BRWD1: variants seen among roughly 807,000 people sequenced by gnomAD.
BRWD1 encodes bromodomain and WD repeat-containing protein 1.
A neutral mutation model predicts 251.2 loss-of-function variants in BRWD1; 82 were observed. The observed-to-expected ratio is 0.33, with a 90% CI of 0.27 to 0.39. BRWD1 has a LOEUF of 0.39. Among genes scored for constraint, BRWD1 ranks in the 10% least tolerant of loss-of-function variants. The pLI is 1.00. For synonymous variants in BRWD1, 918 were observed against 902.8 expected, an observed-to-expected ratio of 1.02 and a Z score of -0.30; for missense variants, 2,233 against 2,711.6, an observed-to-expected ratio of 0.82 and a Z score of 3.92.
chr21:39,254,149 C>T (rs2034487724), intron 19 of BRWD1, among the ~76,000 whole-genome samples: 2 of 152,282 alleles, frequency 1.3e-5, no homozygotes, highest in South Asian at 4.1e-4. Flanking sequence ...GCCTGTAGTC[C>T]CAGCTACTCG....
chr21:39,310,272 T>C (rs892410714), intron 4 of BRWD1, among the ~76,000 whole-genome samples: 1 of 152,216 alleles, frequency 6.6e-6, no homozygotes, highest in Admixed American at 6.5e-5. Flanking sequence ...TCCCAGCACT[T>C]TGGGACACAG....
At chr21:39,211,438 G>A (rs529993241) in intron 34 of BRWD1, among the ~76,000 whole-genome samples, 1 of 152,286 alleles carries the variant, frequency 6.6e-6, no homozygotes, top group African/African-American at 2.4e-5. Context: ...ATAAGAGGGA[G>A]GCAGAAAGGT....
chr21:39,225,292 G>A, intron 27 of BRWD1, 95 bp from the exon 28 acceptor site: 5 of 900,872 alleles, frequency 5.6e-6, no homozygotes, highest in Non-Finnish European at 8.6e-6. Flanking sequence ...AGATAAAAAA[G>A]CCAAAAGCAC....
Position 39,191,036 on chromosome 21 carries a change from T to C in BRWD1, c.*5223A>G, listed in dbSNP as rs533286851. 1.6e-4 allele frequency: 155 copies of C among 985,272 alleles called. 1 individual carries two copies. In the African/African-American group the frequency reaches 2.5e-3, roughly 16 times the overall value. The allele number at this position is 985,272 out of a possible 1,614,324, so 61.0% of individuals were successfully genotyped here. On this transcript the variant is annotated 3_prime_UTR_variant, in exon 41 of 41. Transcript: ENST00000342449. ...ATAAAAATCTCATAAAAGCCTTATTTTGAAATATGAATTCAGGGACTTTAT... is the reference window on the plus strand; with the variant it reads ...ATAAAAATCTCATAAAAGCCTTATTCTGAAATATGAATTCAGGGACTTTAT...
chr21:39,260,943 G>A lies in BRWD1; in HGVS notation c.1886-2271C>T, dbSNP rs139300636. On this transcript the variant is annotated intron_variant, in intron 17 of 40. Coordinates refer to ENST00000342449, the MANE Select transcript of BRWD1 (RefSeq NM_033656.4). ...TTTGACTAAATACTGATACGTGGCC[G>A]GGCATGGTGGCTCACGCCTGTCTGT... 2.7e-3 allele frequency among the ~76,000 whole-genome samples: 415 copies of A among 152,282 alleles called. 1 individual carries two copies. Among genetic ancestry groups the A allele is most frequent in the African/African-American group, 9.5e-3 (393 of 41,552 alleles).
At chr21:39,245,646 C>T (rs2034161408) in intron 21 of BRWD1, among the ~76,000 whole-genome samples, 1 of 145,746 alleles carries the variant, frequency 6.9e-6, no homozygotes, top group African/African-American at 2.6e-5. Flanking sequence ...GATGCTCAGG[C>T]TGGAGTGCCG....
chr21:39,284,769 G>A (rs2035580018), intron 8 of BRWD1, among the ~76,000 whole-genome samples: 2 of 152,100 alleles, frequency 1.3e-5, no homozygotes, highest in South Asian at 4.1e-4. Flanking sequence ...TTTTTTAACT[G>A]AATTTTTTTT....
chr21:39,250,877 G>A lies in BRWD1; in HGVS notation c.2268C>T (p.Asp756=), dbSNP rs757947563. ...CCTCTTCACCTTTCTCTAATCGGAAGTCTTCCAGCTTCCTACAAATTTAAA... is the reference window on the plus strand; with the variant it reads ...CCTCTTCACCTTTCTCTAATCGGAAATCTTCCAGCTTCCTACAAATTTAAA... ...VPLGIFRKLE[D]FRLEKGEEER... Residue 756 remains aspartate, a synonymous_variant, in exon 20 of 41, where the codon GAC becomes GAT. Transcript: ENST00000342449. 1 of 1,592,430 alleles carries A rather than the reference G, an allele frequency of 6.3e-7. No individual in the cohort carries two copies. Among genetic ancestry groups the A allele is most frequent in the South Asian group, 1.1e-5 (1 of 87,074 alleles).
chr21:39,239,346 A>C (rs1019514032), intron 21 of BRWD1, among the ~76,000 whole-genome samples: 2 of 152,016 alleles, frequency 1.3e-5, no homozygotes, highest in Non-Finnish European at 2.9e-5. Context: ...CTTATGATTC[A>C]TTTTGAGTTA....
In BRWD1 at chr21:39,195,258, T is replaced by C. The variant is rs1345874714; in HGVS notation, c.*1001A>G. ...AGCTATTTTCCTATATAGATAAGAT[T>C]TGCAATTGTACTCTTAACAAAACTC... On this transcript the variant is annotated 3_prime_UTR_variant, in exon 41 of 41. Coordinates refer to ENST00000342449, the MANE Select transcript of BRWD1 (RefSeq NM_033656.4). The C allele has an allele frequency of 2.9e-6, 3 of 1,018,768 alleles. No homozygotes were observed. The highest frequency in any genetic ancestry group is 1.7e-5 in the African/African-American group (1 of 57,512). 63.1% of individuals were successfully genotyped at this position (1,018,768 alleles called of 1,614,324 possible).
chr21:39,185,213 A>G (rs946556546), downstream of BRWD1: 1 of 151,172 alleles, frequency 6.6e-6, no homozygotes, highest in African/African-American at 2.4e-5. Flanking sequence ...TGATAATACA[A>G]TCTCAAATAC....
intron 29 of BRWD1, among the ~76,000 whole-genome samples, chr21:39,222,044 T>TA (rs1049164138): frequency 7.3e-5 from 11 of 151,712 alleles, no homozygotes; most frequent in Admixed American, 3.3e-4. Flanking sequence ...TCCTATAAGT[T>TA]AAAAAAAACA....
At position 39,189,919 on chromosome 21, in the gene BRWD1, CCTA is replaced by C. The variant is rs1396524344; in HGVS notation, c.*6337_*6339del. 1.0e-6 allele frequency: 1 copy of C among 985,232 alleles called. No homozygotes were observed. Among genetic ancestry groups the C allele is most frequent in the Non-Finnish European group, 1.2e-6 (1 of 829,908 alleles). The allele number at this position is 985,232 out of a possible 1,614,324, so 61.0% of individuals were successfully genotyped here. ...AAGAAGTCAGTAGAATCCCACCAGT[CCTA>C]CTGCCTCAGATGAGTCTTGTTTCAG... On this transcript the variant is annotated 3_prime_UTR_variant, in exon 41 of 41. Transcript: ENST00000342449.
In BRWD1 at chr21:39,281,231, G is replaced by T. The variant is rs565473227; in HGVS notation, c.832-983C>A. Among the ~76,000 whole-genome samples the T allele has an allele frequency of 6.6e-5, 10 of 152,248 alleles. No homozygotes were observed. In the East Asian group the frequency reaches 1.9e-3, roughly 29 times the overall value. On this transcript the variant is annotated intron_variant, in intron 8 of 40. Transcript: ENST00000342449. ...GTAAAAACACCAGAAGCAGCCAAAC[G>T]ATTTGTCTTACAGCAATATACAGTA...
intron 15 of BRWD1, among the ~76,000 whole-genome samples, chr21:39,268,182 G>C (rs2034985721): frequency 6.6e-6 from 1 of 152,150 alleles, no homozygotes; most frequent in Non-Finnish European, 1.5e-5. Context: ...AAAAAAATTA[G>C]TTTAATAATT....
At chr21:39,239,658 C>G (rs189529875) in intron 21 of BRWD1, among the ~76,000 whole-genome samples, 72 of 152,232 alleles carry the variant, frequency 4.7e-4, no homozygotes, top group African/African-American at 1.7e-3. Flanking sequence ...GATCTTCTTC[C>G]TCTCTATATA....
chr21:39,184,362 T>C (rs957759173), downstream of BRWD1: 2 of 152,218 alleles, frequency 1.3e-5, no homozygotes, highest in Middle Eastern at 3.2e-3. Flanking sequence ...TGATTGTTCT[T>C]TAATTGGTTC....
In BRWD1 at chr21:39,186,157, T is replaced by C. The variant is rs531529188; in HGVS notation, c.*10102A>G. ...GTATCTAAAAATATGACTGTTTTGATCTTAAGCTATACATTTTATTTTTAT... is the reference window on the plus strand; with the variant it reads ...GTATCTAAAAATATGACTGTTTTGACCTTAAGCTATACATTTTATTTTTAT... On this transcript the variant is annotated 3_prime_UTR_variant, in exon 41 of 41. Coordinates refer to ENST00000342449, the MANE Select transcript of BRWD1 (RefSeq NM_033656.4). 2 of 152,326 alleles carry C rather than the reference T, an allele frequency of 1.3e-5. No homozygotes were observed. The highest frequency in any genetic ancestry group is 4.8e-5 in the African/African-American group (2 of 41,566). The allele number at this position is 152,326 out of a possible 1,614,324, so 9.4% of individuals were successfully genotyped here. A position where few individuals can be genotyped will look rare whatever the true frequency, so the allele number is the denominator to read the frequency against.
chr21:39,206,270 T>A lies in BRWD1; in HGVS notation c.4202A>T (p.Tyr1401Phe). 1 of 1,569,874 alleles carries A rather than the reference T, an allele frequency of 6.4e-7. No homozygotes were observed. The highest frequency in any genetic ancestry group is 8.7e-7 in the Non-Finnish European group (1 of 1,151,102). The change falls in exon 37 of 41, where the codon TAT becomes TTT. Residue 1401 changes from tyrosine (Y) to phenylalanine (F), a missense_variant. This residue lies in a region of BRWD1 where 69 missense variants were observed against 101.6 expected (regional missense o/e 0.68). Transcript: ENST00000342449. Reference sequence around the variant, plus strand: ...GGCAGATAATCTCAAGGTCATACTATAAATCTGCAAGGATATAAAAACAAA... The same window carrying A: ...GGCAGATAATCTCAAGGTCATACTAAAAATCTGCAAGGATATAAAAACAAA... ...AYTPNKRSKIYSMTLRLSALF... is the reference protein window; with the variant it reads ...AYTPNKRSKIFSMTLRLSALF...
Sources: gnomAD v4.1 joint callset for allele counts (sites outside exome capture counted in the v4.1 genomes callset) on GRCh38, gnomAD v4.1.1 for gene constraint, gnomAD v4.1.1 regional missense constraint, MANE v1.5 for transcripts, NCBI Gene and HGNC (gene_info 2026-07-23, HGNC 2026-07-21) for gene names.